The following NRXN1 variants were observed in gnomAD, a reference collection of about 807,000 sequenced individuals.
NRXN1 encodes neurexin 1.
NRXN1 carries 39 observed loss-of-function variants against 150.9 expected under a neutral mutation model. The ratio of observed to expected loss-of-function variants is 0.26; its 90% CI spans 0.20 to 0.34. The LOEUF is 0.34. Among genes scored for constraint, NRXN1 ranks in the 10% least tolerant of loss-of-function variants. The pLI is 1.00. For missense variants in NRXN1, 1,815 were observed against 1,949.9 expected (o/e 0.93, Z 1.30); for synonymous variants, 924 against 757.0 (o/e 1.22, Z -3.62).
intron 5 of NRXN1, among the ~76,000 whole-genome samples, chr2:50,636,668 C>T (rs1402073896): frequency 6.6e-6 from 1 of 152,120 alleles, no homozygotes; most frequent in Non-Finnish European, 1.5e-5. Flanking sequence ...AGAGCTAGCT[C>T]TCCTATTATT....
Position 50,479,198 on chromosome 2 carries a change from C to T in NRXN1, c.3071-6727G>A, listed in dbSNP as rs143062682. 1.4e-4 allele frequency among the ~76,000 whole-genome samples: 21 copies of T among 152,324 alleles called. No homozygotes were observed. In the East Asian group the frequency reaches 4.1e-3, roughly 29 times the overall value. ...AGAAGATTGAAATAATATCTATCTT[C>T]GCCCCACAGTCCGACCTTTAGTCAA... On this transcript the variant is annotated intron_variant, in intron 15 of 22. Transcript: ENST00000401669.
At chr2:50,183,901 T>C (rs1449660344) in intron 18 of NRXN1, among the ~76,000 whole-genome samples, 1 of 151,948 alleles carries the variant, frequency 6.6e-6, no homozygotes, top group Non-Finnish European at 1.5e-5. Context: ...CAGGCACCGG[T>C]TGTGCTTTAA....
chr2:50,192,732 G>A (rs961165621), intron 18 of NRXN1, among the ~76,000 whole-genome samples: 3 of 152,038 alleles, frequency 2.0e-5, no homozygotes, highest in Non-Finnish European at 4.4e-5. Flanking sequence ...TCAGCCTCCT[G>A]AGTAGCTGGG....
chr2:50,335,316 G>A (rs1459652798), intron 17 of NRXN1, among the ~76,000 whole-genome samples: 1 of 152,124 alleles, frequency 6.6e-6, no homozygotes, highest in African/African-American at 2.4e-5. Context: ...ATTTGGCTAA[G>A]GTATACGCAT....
At chr2:50,193,080 C>A (rs1313958019) in intron 18 of NRXN1, among the ~76,000 whole-genome samples, 1 of 152,120 alleles carries the variant, frequency 6.6e-6, no homozygotes, top group African/African-American at 2.4e-5. Context: ...ACTACAGGGT[C>A]AATATTCTTG....
In NRXN1 at chr2:50,552,889, G is replaced by A. The variant is rs1278680539; in HGVS notation, c.1457C>T (p.Thr486Ile). Residue 486 changes from threonine to isoleucine, a missense_variant, in exon 9 of 23, where the codon ACC becomes ATC. Physicochemically the swap from Thr to Ile is moderately conservative, Grantham distance 89. Transcript: ENST00000401669. ...VATLDPITFETPESFISLPKW... is the reference protein window; with the variant it reads ...VATLDPITFEIPESFISLPKW... ...AGGCAAAGAGATGAAAGACTCTGGG[G>A]TTTCAAAGGTGATTGGGTCTAAAGT... 1 of 1,613,932 alleles carries A rather than the reference G, an allele frequency of 6.2e-7. No homozygotes were observed. Among genetic ancestry groups the A allele is most frequent in the South Asian group, 1.1e-5 (1 of 91,082 alleles).
At chr2:50,002,318 T>C (rs1558669572) in intron 21 of NRXN1, among the ~76,000 whole-genome samples, 2 of 152,162 alleles carry the variant, frequency 1.3e-5, no homozygotes, top group Non-Finnish European at 2.9e-5. Flanking sequence ...AAGCTTATTT[T>C]CTCAGTGCTC....
At chr2:50,857,910 C>T (rs1041428200) in intron 5 of NRXN1, among the ~76,000 whole-genome samples, 1 of 152,056 alleles carries the variant, frequency 6.6e-6, no homozygotes, top group African/African-American at 2.4e-5. Context: ...CAGCTTACAC[C>T]ACCTGCTATA....
chr2:50,552,893 C>T lies in NRXN1; in HGVS notation c.1453G>A (p.Glu485Lys). Residue 485 changes from glutamate (E) to lysine (K), a missense_variant, in exon 9 of 23, where the codon GAA (glutamate) becomes AAA (lysine). Transcript: ENST00000401669. ...NVATLDPITF[E>K]TPESFISLPK... Reference sequence around the variant, plus strand: ...AAAGAGATGAAAGACTCTGGGGTTTCAAAGGTGATTGGGTCTAAAGTTGCA... The same window carrying T: ...AAAGAGATGAAAGACTCTGGGGTTTTAAAGGTGATTGGGTCTAAAGTTGCA... 1 of 1,613,942 alleles carries T rather than the reference C, an allele frequency of 6.2e-7. No individual in the cohort carries two copies. Among genetic ancestry groups the T allele is most frequent in the Non-Finnish European group, 8.5e-7 (1 of 1,179,866 alleles).
intron 8 of NRXN1, among the ~76,000 whole-genome samples, chr2:50,611,901 TG>T (rs1678211995): frequency 6.6e-6 from 1 of 152,156 alleles, no homozygotes; most frequent in South Asian, 2.1e-4. Flanking sequence ...TATTTCCTGC[TG>T]CTTCTTCTCC....
At chr2:50,441,346 A>G (rs1009296989) in intron 17 of NRXN1, among the ~76,000 whole-genome samples, 1 of 152,066 alleles carries the variant, frequency 6.6e-6, no homozygotes, top group Non-Finnish European at 1.5e-5. Flanking sequence ...TTTAAAATTA[A>G]TTTATTTAAA....
At chr2:50,997,957 GT>G (rs1330327689) in intron 2 of NRXN1, among the ~76,000 whole-genome samples, 1 of 141,484 alleles carries the variant, frequency 7.1e-6, no homozygotes, top group Admixed American at 6.8e-5. Flanking sequence ...AGTTCCGAAT[GT>G]TTAGATAAGA....
chr2:50,764,753 G>A (rs768345665), intron 5 of NRXN1, among the ~76,000 whole-genome samples: 8 of 151,968 alleles, frequency 5.3e-5, no homozygotes, highest in Non-Finnish European at 1.2e-4. Context: ...GAGTGAATGA[G>A]TGAGGATCAT....
At chr2:50,683,646 A>AAAAAAAATATAT in intron 5 of NRXN1, among the ~76,000 whole-genome samples, 3 of 14,904 alleles carry the variant, frequency 2.0e-4, no homozygotes, top group African/African-American at 7.2e-4. Context: ...AAAAAAAAAA[A>AAAAAAAATATAT]ATATATATAT....
chr2:51,020,213 C>T (rs1280448390), intron 2 of NRXN1, among the ~76,000 whole-genome samples: 1 of 151,762 alleles, frequency 6.6e-6, no homozygotes, highest in Non-Finnish European at 1.5e-5. Flanking sequence ...CTAAAAGGTA[C>T]CTTTATCCCA....
At chr2:50,237,764 T>G (rs559687057) in intron 17 of NRXN1, among the ~76,000 whole-genome samples, 27 of 152,018 alleles carry the variant, frequency 1.8e-4, no homozygotes, top group South Asian at 1.0e-3. Flanking sequence ...TCAAACAAAT[T>G]TATTCAGCAT....
At chr2:50,785,615 C>T (rs1705007130) in intron 5 of NRXN1, among the ~76,000 whole-genome samples, 1 of 152,052 alleles carries the variant, frequency 6.6e-6, no homozygotes, top group Admixed American at 6.6e-5. Context: ...CTGACTAATA[C>T]AGAGGGTTTT....
intron 5 of NRXN1, among the ~76,000 whole-genome samples, chr2:50,814,867 C>G (rs921426380): frequency 1.6e-4 from 24 of 152,258 alleles, no homozygotes; most frequent in Middle Eastern, 3.4e-3. Flanking sequence ...TGGACACCAT[C>G]TGTTTGATTC....
intron 12 of NRXN1, among the ~76,000 whole-genome samples, chr2:50,523,316 T>C (rs1269407883): frequency 6.6e-6 from 1 of 152,136 alleles, no homozygotes; most frequent in Non-Finnish European, 1.5e-5. Flanking sequence ...CCTAGGCAGG[T>C]GGATAGCACC....
Sources: gnomAD v4.1 joint callset for allele counts (sites outside exome capture counted in the v4.1 genomes callset) on GRCh38, gnomAD v4.1.1 for gene constraint, MANE v1.5 for transcripts, NCBI Gene and HGNC (gene_info 2026-07-23, HGNC 2026-07-21) for gene names.